Variants in PIGN observed in about 807,000 individuals in gnomAD.
PIGN encodes GPI ethanolamine phosphate transferase 1.
In PIGN, 117 loss-of-function variants were observed where a neutral mutation model predicts 125.4. The ratio of observed to expected loss-of-function variants is 0.93; its 90% CI spans 0.80 to 1.09. PIGN has a LOEUF of 1.09. Ranked by LOEUF, PIGN falls within the 50% of genes least tolerant of loss-of-function variation. The probability of loss-of-function intolerance (pLI) is 0.00; values close to 1 mark genes in which losing one functional copy is unlikely to be tolerated. For missense variants in PIGN, 1,075 were observed against 1,094.9 expected (o/e 0.98, Z 0.26); for synonymous variants, 392 against 377.8 (o/e 1.04, Z -0.44).
At chr18:62,122,897 T>C (rs2035361555) in intron 14 of PIGN, among the ~76,000 whole-genome samples, 1 of 152,158 alleles carries the variant, frequency 6.6e-6, no homozygotes, top group South Asian at 2.1e-4. Context: ...ATCTATAAAG[T>C]CTCTGGGATA....
chr18:62,098,646 A>G (rs1195134060), intron 22 of PIGN, among the ~76,000 whole-genome samples: 1 of 152,208 alleles, frequency 6.6e-6, no homozygotes, highest in African/African-American at 2.4e-5. Flanking sequence ...AATGCTCATT[A>G]AAGCTAGACC....
At chr18:62,166,337 C>G (rs191449425) in intron 1 of PIGN, among the ~76,000 whole-genome samples, 2 of 152,360 alleles carry the variant, frequency 1.3e-5, no homozygotes, top group African/African-American at 4.8e-5. Flanking sequence ...TCTGATCACT[C>G]TGAAGTAGGC....
chr18:62,183,221 G>A (rs1027470128), intron 1 of PIGN, among the ~76,000 whole-genome samples: 9 of 96,734 alleles, frequency 9.3e-5, no homozygotes, highest in Non-Finnish European at 1.4e-4. Flanking sequence ...ACATAAAATC[G>A]TATATTAAAA....
intron 22 of PIGN, among the ~76,000 whole-genome samples, chr18:62,098,841 G>A (rs2034320354): frequency 6.6e-6 from 1 of 152,078 alleles, no homozygotes; most frequent in East Asian, 1.9e-4. Context: ...AACAATAGCA[G>A]TAAACTGATT....
chr18:62,053,483 C>A (rs1599403983), intron 30 of PIGN, among the ~76,000 whole-genome samples: 1 of 152,096 alleles, frequency 6.6e-6, no homozygotes, highest in South Asian at 2.1e-4. Context: ...TCTAAATACA[C>A]CAACTGAAAA....
intron 29 of PIGN, among the ~76,000 whole-genome samples, 158 bp from the exon 30 acceptor site, chr18:62,072,883 G>C (rs901692198): frequency 6.6e-6 from 1 of 151,962 alleles, no homozygotes; most frequent in African/African-American, 2.4e-5. Context: ...ACTTTTGCTT[G>C]GATTAGAATT....
chr18:62,062,900 T>TTTTTTTTTTTTTTTTTTTTTC, intron 30 of PIGN, among the ~76,000 whole-genome samples: 1 of 129,502 alleles, frequency 7.7e-6, no homozygotes, highest in Admixed American at 7.9e-5. Flanking sequence ...TTTTTTTTTT[T>TTTTTTTTTTTTTTTTTTTTTC]TTTTTTTTTT....
intron 14 of PIGN, among the ~76,000 whole-genome samples, chr18:62,124,791 A>AT (rs1343203324): frequency 6.6e-6 from 1 of 152,094 alleles, no homozygotes; most frequent in East Asian, 1.9e-4. Context: ...GGCAAAATTT[A>AT]TTTTACATTT....
intron 16 of PIGN, 87 bp from the exon 17 acceptor site, chr18:62,110,060 C>T (rs2034815401): frequency 3.2e-6 from 4 of 1,243,626 alleles, no homozygotes; most frequent in African/African-American, 1.5e-5. Flanking sequence ...TAAAGAAAAC[C>T]TATTACTTTC....
intron 14 of PIGN, among the ~76,000 whole-genome samples, chr18:62,124,882 A>G (rs1212685651): frequency 6.6e-6 from 1 of 152,208 alleles, no homozygotes; most frequent in Non-Finnish European, 1.5e-5. Flanking sequence ...TATAAACTAT[A>G]GAAATACTTC....
At chr18:62,186,433 C>T (rs1265850149) in intron 1 of PIGN, 1 of 152,232 alleles carries the variant, frequency 6.6e-6, no homozygotes, top group Non-Finnish European at 1.5e-5. Flanking sequence ...TCTGAAGGGT[C>T]CCTGTTGTGT....
At chr18:62,024,990 G>A (rs574610822) in intron 23 of PIGN, among the ~76,000 whole-genome samples, 3 of 152,312 alleles carry the variant, frequency 2.0e-5, no homozygotes, top group African/African-American at 4.8e-5. Flanking sequence ...GTACAAGTAG[G>A]AGAAACCCTA....
At chr18:62,166,424 TGGAGAAATA>T (rs1416742423) in intron 1 of PIGN, among the ~76,000 whole-genome samples, 2 of 152,204 alleles carry the variant, frequency 1.3e-5, no homozygotes, top group East Asian at 3.9e-4. Context: ...GGCGAGGCTG[TGGAGAAATA>T]GGAATGTTTT....
chr18:62,029,592 C>G (rs2030166714), intron 23 of PIGN, among the ~76,000 whole-genome samples: 2 of 152,184 alleles, frequency 1.3e-5, no homozygotes, highest in African/African-American at 4.8e-5. Flanking sequence ...GTACCGGTGA[C>G]TGCTATGCTC....
At chr18:62,055,062 G>A (rs541662777) in intron 30 of PIGN, among the ~76,000 whole-genome samples, 1 of 152,306 alleles carries the variant, frequency 6.6e-6, no homozygotes, top group African/African-American at 2.4e-5. Context: ...TGGCAAGGAT[G>A]CAGAGAAACT....
rs1470231793 is a variant in PIGN at position 62,161,087 on chromosome 18, A to C, written c.221+46T>G. Reference sequence around the variant, plus strand: ...AGATATTTTGCAGTTTACTTAACTCAGAATAACATTTTAAGAGATGTCTCT... The same window carrying C: ...AGATATTTTGCAGTTTACTTAACTCCGAATAACATTTTAAGAGATGTCTCT... On this transcript the variant is annotated intron_variant, in intron 4 of 30. Coordinates refer to ENST00000640252, the MANE Select transcript of PIGN (RefSeq NM_176787.5). 5 of 1,299,046 alleles carry C rather than the reference A, an allele frequency of 3.8e-6. No individual in the cohort carries two copies. In the South Asian group the frequency reaches 5.2e-5, roughly 13 times the overall value. 80.5% of individuals were successfully genotyped at this position (1,299,046 alleles called of 1,614,324 possible). A position where few individuals can be genotyped will look rare whatever the true frequency, so the allele number is the denominator to read the frequency against.
intron 23 of PIGN, among the ~76,000 whole-genome samples, chr18:62,094,315 T>C (rs536547183): frequency 6.0e-4 from 91 of 152,280 alleles, no homozygotes; most frequent in Non-Finnish European, 1.1e-3. Flanking sequence ...AATCTGTTTA[T>C]TGCTTTAGAA....
chr18:62,020,272 G>A (rs966483160), intron 23 of PIGN, among the ~76,000 whole-genome samples: 2 of 152,316 alleles, frequency 1.3e-5, no homozygotes, highest in South Asian at 2.1e-4. Context: ...GAACTACCAA[G>A]ATGATCTGTA....
At chr18:62,056,549 C>T (rs1447931150) in intron 30 of PIGN, among the ~76,000 whole-genome samples, 3 of 151,884 alleles carry the variant, frequency 2.0e-5, no homozygotes, top group Non-Finnish European at 4.4e-5. Context: ...ATAAAGTGAT[C>T]GCAAGAGAAG....
Sources: gnomAD v4.1 joint callset for allele counts (sites outside exome capture counted in the v4.1 genomes callset) on GRCh38, gnomAD v4.1.1 for gene constraint, MANE v1.5 for transcripts, NCBI Gene and HGNC (gene_info 2026-07-23, HGNC 2026-07-21) for gene names.